The following OR52N2 variants were observed in gnomAD, a reference collection of about 807,000 sequenced individuals.
OR52N2 encodes the protein olfactory receptor 52N2.
For synonymous variants in OR52N2, 129 were observed against 72.0 expected, an observed-to-expected ratio of 1.79 and a Z score of -4.01; for missense variants, 326 against 196.6, an observed-to-expected ratio of 1.66 and a Z score of -3.94.
rs139425458 is a variant in OR52N2 at position 5,820,641 on chromosome 11, G to C, written c.306G>C (p.Gln102His). 4.5e-5 allele frequency: 35 copies of C among 785,662 alleles called. No homozygotes were observed. Among genetic ancestry groups the C allele is most frequent in the Non-Finnish European group, 6.6e-5 (28 of 422,516 alleles). The allele number at this position is 785,662 out of a possible 1,614,324, so 48.7% of individuals were successfully genotyped here. A position where few individuals can be genotyped will look rare whatever the true frequency, so the allele number is the denominator to read the frequency against. Residue 102 changes from glutamine (Q) to histidine (H), a missense_variant, in exon 2 of 2, where the codon CAG becomes CAC. By Grantham distance (24) the Gln-to-His change is conservative. Coordinates refer to ENST00000317037, the MANE Select transcript of OR52N2 (RefSeq NM_001005174.3). ...TTGACTTTAACGCCTGCCTGGCCCA[G>C]ATGTTTTTTGTCCATATGCTGACAG... ...KEIDFNACLA[Q>H]MFFVHMLTGM... is the part of the protein sequence containing the mutation.
chr11:5,820,646 T>C lies in OR52N2; in HGVS notation c.311T>C (p.Phe104Ser). The C allele has an allele frequency of 3.8e-6, 3 of 787,204 alleles. No homozygotes were observed. Among genetic ancestry groups the C allele is most frequent in the Non-Finnish European group, 7.1e-6 (3 of 423,824 alleles). 48.8% of individuals were successfully genotyped at this position (787,204 alleles called of 1,614,324 possible). A position where few individuals can be genotyped will look rare whatever the true frequency, so the allele number is the denominator to read the frequency against. ...TTTAACGCCTGCCTGGCCCAGATGT[T>C]TTTTGTCCATATGCTGACAGGGATG... ...IDFNACLAQM[F>S]FVHMLTGMES... The change falls in exon 2 of 2, where the codon TTT (phenylalanine) becomes TCT (serine). Residue 104 changes from phenylalanine to serine, a missense_variant. By Grantham distance (155) the Phe-to-Ser change is radical (BLOSUM62 -2). Coordinates refer to ENST00000317037, the MANE Select transcript of OR52N2 (RefSeq NM_001005174.3).
Position 5,820,679 on chromosome 11 carries a change from G to C in OR52N2, c.344G>C (p.Gly115Ala). The C allele has an allele frequency of 1.3e-6, 1 of 792,842 alleles. No individual in the cohort carries two copies. Among genetic ancestry groups the C allele is most frequent in the South Asian group, 1.3e-5 (1 of 74,778 alleles). The allele number at this position is 792,842 out of a possible 1,614,324, so 49.1% of individuals were successfully genotyped here. The change falls in exon 2 of 2, where the codon GGG becomes GCG. Residue 115 changes from glycine to alanine, a missense_variant. Coordinates refer to ENST00000317037, the MANE Select transcript of OR52N2 (RefSeq NM_001005174.3). ...CATATGCTGACAGGGATGGAGTCTG[G>C]GGTGCTCATGCTCATGGCCCTGGAC... ...FVHMLTGMES[G>A]VLMLMALDRY...
At chr11:5,816,719 T>G (rs993288848) in intron 1 of OR52N2, among the ~76,000 whole-genome samples, 5 of 152,106 alleles carry the variant, frequency 3.3e-5, no homozygotes, top group Non-Finnish European at 7.4e-5. Flanking sequence ...TTTGTATTTT[T>G]AGTGGAGACG....
chr11:5,821,235 GC>G lies in OR52N2; in HGVS notation c.901del (p.Gln301ArgfsTer6), dbSNP rs771704934. 52 of 780,912 alleles carry G rather than the reference GC, an allele frequency of 6.7e-5. No individual in the cohort carries two copies. In the African/African-American group the frequency reaches 6.8e-4, roughly 10 times the overall value. The allele number at this position is 780,912 out of a possible 1,614,324, so 48.4% of individuals were successfully genotyped here. On this transcript the variant is annotated frameshift_variant, in exon 2 of 2. Coordinates refer to ENST00000317037, the MANE Select transcript of OR52N2 (RefSeq NM_001005174.3). LOFTEE classifies it low-confidence loss of function (END_TRUNC). Reference sequence around the variant, plus strand: ...CAATTGTTTATGGAGTCAAGACCAAGCAGATTCAGGAAGGTGTAATTAAATT... The same window carrying G: ...CAATTGTTTATGGAGTCAAGACCAAGAGATTCAGGAAGGTGTAATTAAATT... The part of the protein sequence containing the change: ...NPIVYGVKTK[Q>X]IQEGVIKFLL...
In OR52N2 at chr11:5,820,531, GC is replaced by G. The variant is rs752102225; in HGVS notation, c.199del (p.Leu67CysfsTer43). On this transcript the variant is annotated frameshift_variant, in exon 2 of 2. Coordinates refer to ENST00000317037, the MANE Select transcript of OR52N2 (RefSeq NM_001005174.3). LOFTEE classifies it low-confidence loss of function (END_TRUNC). ...GCACCGGCCCATGTACTACTTCCTG[GC>G]CCTGCTCTCCTTCACTGATGTCACC... is the stretch of plus-strand genomic sequence containing the variant. ...ALHRPMYYFL[A>X]LLSFTDVTLC... is the part of the protein sequence containing the mutation. The G allele has an allele frequency of 6.4e-6, 5 of 778,936 alleles. No individual in the cohort carries two copies. The African/African-American group carries it at 8.5e-5, about 13-fold the overall frequency. The allele number at this position is 778,936 out of a possible 1,614,324, so 48.3% of individuals were successfully genotyped here.
At chr11:5,818,739 T>A (rs549440497) in intron 1 of OR52N2, among the ~76,000 whole-genome samples, 2 of 152,318 alleles carry the variant, frequency 1.3e-5, no homozygotes, top group South Asian at 4.1e-4. Flanking sequence ...GGACTTAATC[T>A]TATTTTCTTT....
intron 1 of OR52N2, among the ~76,000 whole-genome samples, chr11:5,812,671 A>G (rs1360516535): frequency 6.6e-6 from 1 of 152,034 alleles, no homozygotes. Flanking sequence ...GAAGGGAGAG[A>G]TAGACTGCAA....
intron 1 of OR52N2, 34 bp from the exon 2 acceptor site, chr11:5,820,248 A>T (rs1010567429): frequency 1.4e-6 from 1 of 713,090 alleles, no homozygotes; most frequent in Non-Finnish European, 2.6e-6. Flanking sequence ...AGTACCTCTT[A>T]TCTCGTCTCT....
chr11:5,820,656 T>C lies in OR52N2; in HGVS notation c.321T>C (p.His107=), dbSNP rs773964885. 5 of 788,854 alleles carry C rather than the reference T, an allele frequency of 6.3e-6. No individual in the cohort carries two copies. The highest frequency in any genetic ancestry group is 1.7e-5 in the Admixed American group (1 of 59,008). 48.9% of individuals were successfully genotyped at this position (788,854 alleles called of 1,614,324 possible). A position where few individuals can be genotyped will look rare whatever the true frequency, so the allele number is the denominator to read the frequency against. ...NACLAQMFFV[H]MLTGMESGVL... ...GCCTGGCCCAGATGTTTTTTGTCCA[T>C]ATGCTGACAGGGATGGAGTCTGGGG... The change falls in exon 2 of 2, where the codon CAT becomes CAC. Residue 107 remains histidine (H), a synonymous_variant. Coordinates refer to ENST00000317037, the MANE Select transcript of OR52N2 (RefSeq NM_001005174.3).
rs1262497172 is a variant in OR52N2 at position 5,821,011 on chromosome 11, G to C, written c.676G>C (p.Ala226Pro). The change falls in exon 2 of 2, where the codon GCT (alanine) becomes CCT (proline). Residue 226 changes from alanine to proline, a missense_variant. Ala to Pro is a conservative substitution (Grantham distance 27). Coordinates refer to ENST00000317037, the MANE Select transcript of OR52N2 (RefSeq NM_001005174.3). Reference protein sequence around the residue: ...ISVSYTMILQAVMSLSSADAR... With the variant: ...ISVSYTMILQPVMSLSSADAR... The stretch of plus-strand genomic sequence containing the variant: ...TGTATCTTACACTATGATTTTGCAG[G>C]CTGTTATGAGCCTGTCATCAGCAGA... The C allele has an allele frequency of 2.6e-6, 2 of 780,968 alleles. No homozygotes were observed. The highest frequency in any genetic ancestry group is 4.8e-6 in the Non-Finnish European group (2 of 418,102). 48.4% of individuals were successfully genotyped at this position (780,968 alleles called of 1,614,324 possible).
chr11:5,820,605 C>T lies in OR52N2; in HGVS notation c.270C>T (p.Asn90=), dbSNP rs749466543. ...ATATGCTGTGCATATTCTGGTTCAA[C>T]CTCAAGGAGATTGACTTTAACGCCT... is the stretch of plus-strand genomic sequence containing the variant. ...VPNMLCIFWF[N]LKEIDFNACL... The change falls in exon 2 of 2, where the codon AAC becomes AAT. Residue 90 remains asparagine (N), a synonymous_variant. Coordinates refer to ENST00000317037, the MANE Select transcript of OR52N2 (RefSeq NM_001005174.3). The T allele has an allele frequency of 5.1e-6, 4 of 782,538 alleles. No homozygotes were observed. The highest frequency in any genetic ancestry group is 1.3e-5 in the South Asian group (1 of 74,648). The allele number at this position is 782,538 out of a possible 1,614,324, so 48.5% of individuals were successfully genotyped here.
intron 1 of OR52N2, among the ~76,000 whole-genome samples, chr11:5,811,333 A>G (rs1029747212): frequency 6.6e-6 from 1 of 152,106 alleles, no homozygotes; most frequent in Non-Finnish European, 1.5e-5. Context: ...ATTAATATGA[A>G]TGTTAAAAGA....
chr11:5,821,127 T>C lies in OR52N2; in HGVS notation c.792T>C (p.His264=). ...CTGCTTTTTTCACTTTTTTCACTCA[T>C]CGTTTTGTAGGACACAATATCCCAA... is the stretch of plus-strand genomic sequence containing the variant. The part of the protein sequence containing the change: ...YVAAFFTFFT[H]RFVGHNIPNH... Residue 264 remains histidine (H), a synonymous_variant, in exon 2 of 2, where the codon CAT becomes CAC. Transcript: ENST00000317037. 1.3e-6 allele frequency: 1 copy of C among 781,030 alleles called. No individual in the cohort carries two copies. The allele number at this position is 781,030 out of a possible 1,614,324, so 48.4% of individuals were successfully genotyped here. A position where few individuals can be genotyped will look rare whatever the true frequency, so the allele number is the denominator to read the frequency against.
chr11:5,810,815 T>A (rs993893763), intron 1 of OR52N2, among the ~76,000 whole-genome samples: 6 of 152,162 alleles, frequency 3.9e-5, no homozygotes, highest in African/African-American at 1.4e-4. Flanking sequence ...TGTTGTTTTG[T>A]TATTGTTGTT....
At position 5,820,873 on chromosome 11, in the gene OR52N2, T is replaced by C. The variant is rs1846445884; in HGVS notation, c.538T>C (p.Tyr180His). 1.3e-6 allele frequency: 1 copy of C among 780,922 alleles called. No homozygotes were observed. Among genetic ancestry groups the C allele is most frequent in the Non-Finnish European group, 2.4e-6 (1 of 418,116 alleles). 48.4% of individuals were successfully genotyped at this position (780,922 alleles called of 1,614,324 possible). The change falls in exon 2 of 2, where the codon TAC becomes CAC. Residue 180 changes from tyrosine to histidine, a missense_variant. Physicochemically the swap from Tyr to His is moderately conservative, Grantham distance 83. Coordinates refer to ENST00000317037, the MANE Select transcript of OR52N2 (RefSeq NM_001005174.3). The part of the protein sequence containing the change: ...YCRGNFIPHT[Y>H]CDHMSVAKVS... ...CCGGGGGAACTTCATCCCCCACACCTACTGTGACCATATGTCTGTGGCCAA... is the reference window on the plus strand; with the variant it reads ...CCGGGGGAACTTCATCCCCCACACCCACTGTGACCATATGTCTGTGGCCAA...
At chr11:5,815,295 C>A (rs1846395446) in intron 1 of OR52N2, among the ~76,000 whole-genome samples, 1 of 151,726 alleles carries the variant, frequency 6.6e-6, no homozygotes, top group African/African-American at 2.4e-5. Context: ...AAAAGGCAAC[C>A]CACAGACCAG....
chr11:5,808,983 T>C lies in OR52N2; in HGVS notation c.-126T>C, dbSNP rs1165730393. ...GTTGCTGAGAGTCCGAGTTTATTCA[T>C]CACAATGGGTGGGTCCCGATCTCCC... is the stretch of plus-strand genomic sequence containing the variant. On this transcript the variant is annotated 5_prime_UTR_variant, in exon 1 of 2. Transcript: ENST00000317037. 6.6e-6 allele frequency among the ~76,000 whole-genome samples: 1 copy of C among 150,816 alleles called. No individual in the cohort carries two copies.
rs960510753 is a variant in OR52N2 at position 5,809,043 on chromosome 11, C to T, written c.-66C>T. Among the ~76,000 whole-genome samples, 12 of 152,126 alleles carry T rather than the reference C, an allele frequency of 7.9e-5. No homozygotes were observed. The highest frequency in any genetic ancestry group is 1.2e-4 in the Non-Finnish European group (8 of 68,024). The stretch of plus-strand genomic sequence containing the variant: ...ACTACCGCAACGGGGCATTGGAATG[C>T]GTCTCCCCTGGGTAGGATGACTGAA... On this transcript the variant is annotated 5_prime_UTR_variant, in exon 1 of 2. Coordinates refer to ENST00000317037, the MANE Select transcript of OR52N2 (RefSeq NM_001005174.3).
intron 1 of OR52N2, among the ~76,000 whole-genome samples, chr11:5,812,458 G>A (rs1846370291): frequency 3.1e-5 from 4 of 130,884 alleles, no homozygotes. Flanking sequence ...TCCTGCCACT[G>A]CACTCCAGCC....
Sources: allele counts gnomAD v4.1 joint callset (sites outside exome capture counted in the v4.1 genomes callset), GRCh38; gene constraint gnomAD v4.1.1; transcripts MANE v1.5; gene names NCBI Gene and HGNC (gene_info 2026-07-23, HGNC 2026-07-21).